Variants in APAF1 observed in about 807,000 individuals in gnomAD.
APAF1 encodes the protein apoptotic peptidase activating factor 1.
In APAF1, 91 loss-of-function variants were observed where a neutral mutation model predicts 152.4. The observed-to-expected ratio is 0.60, with a 90% CI of 0.50 to 0.71. The LOEUF is 0.71. Ranked by LOEUF, APAF1 falls within the 30% of genes least tolerant of loss-of-function variation. The pLI is 0.00. For missense variants in APAF1, 1,283 were observed against 1,472.0 expected (o/e 0.87, Z 2.10); for synonymous variants, 484 against 494.1 (o/e 0.98, Z 0.27).
intron 1 of APAF1, 137 bp from the exon 2 acceptor site, chr12:98,648,182 G>C: frequency 1.4e-6 from 1 of 729,848 alleles, no homozygotes; most frequent in African/African-American, 1.8e-5. Context: ...CCAAGCACTG[G>C]GTTTTGTCCA....
chr12:98,654,555 G>A (rs2097653922), intron 4 of APAF1, among the ~76,000 whole-genome samples: 1 of 152,002 alleles, frequency 6.6e-6, no homozygotes, highest in Admixed American at 6.5e-5. Flanking sequence ...CTACAGGTGT[G>A]TGCCACCACA....
In APAF1 at chr12:98,732,432, G is replaced by T. The variant is rs758478742; in HGVS notation, c.3613G>T (p.Val1205Phe). 1 of 1,613,444 alleles carries T rather than the reference G, an allele frequency of 6.2e-7. No individual in the cohort carries two copies. The highest frequency in any genetic ancestry group is 2.2e-5 in the East Asian group (1 of 44,896). ...TTTCTCTGAACAGTGGTGGAACGTTGTCACTGGGGAATCCTCACAGACCTT... is the reference window on the plus strand; with the variant it reads ...TTTCTCTGAACAGTGGTGGAACGTTTTCACTGGGGAATCCTCACAGACCTT... ...AGGYIKWWNV[V>F]TGESSQTFYT... Residue 1205 changes from valine to phenylalanine, a missense_variant, in exon 27 of 27, where the codon GTC (valine) becomes TTC (phenylalanine). By Grantham distance (50) the Val-to-Phe change is conservative. Coordinates refer to ENST00000551964, the MANE Select transcript of APAF1 (RefSeq NM_181861.2).
chr12:98,665,668 G>A lies in APAF1; in HGVS notation c.1071G>A (p.Ser357=), dbSNP rs757046622. 18 of 1,613,658 alleles carry A rather than the reference G, an allele frequency of 1.1e-5. No individual in the cohort carries two copies. Among genetic ancestry groups the A allele is most frequent in the Non-Finnish European group, 1.4e-5 (16 of 1,179,870 alleles). ...AGTTTAAGAGAATAAGGAAATCTTC[G>A]TCTTATGATTATGAGGCTCTAGATG... ...NKQFKRIRKS[S]SYDYEALDEA... The change falls in exon 8 of 27, where the codon TCG becomes TCA. Residue 357 remains serine, a synonymous_variant. Coordinates refer to ENST00000551964, the MANE Select transcript of APAF1 (RefSeq NM_181861.2).
At chr12:98,657,146 T>C (rs755461165) in intron 4 of APAF1, among the ~76,000 whole-genome samples, 6 of 152,354 alleles carry the variant, frequency 3.9e-5, no homozygotes, top group Non-Finnish European at 7.3e-5. Flanking sequence ...GAAATCTTGA[T>C]GTTGAGCATT....
intron 17 of APAF1, among the ~76,000 whole-genome samples, chr12:98,701,773 G>A (rs1350975757): frequency 6.6e-6 from 1 of 152,144 alleles, no homozygotes; most frequent in South Asian, 2.1e-4. Flanking sequence ...TGTAGATCCC[G>A]ATTTCTTACC....
chr12:98,692,893 T>A (rs2097705826), intron 16 of APAF1, among the ~76,000 whole-genome samples: 1 of 152,214 alleles, frequency 6.6e-6, no homozygotes, highest in African/African-American at 2.4e-5. Context: ...TGTTTTCCTT[T>A]GGGTGTATAC....
intron 12 of APAF1, among the ~76,000 whole-genome samples, chr12:98,674,804 A>T (rs1593051275): frequency 6.6e-6 from 1 of 152,230 alleles, no homozygotes; most frequent in South Asian, 2.1e-4. Flanking sequence ...ATAGACATAC[A>T]TATAGTACTT....
Position 98,732,830 on chromosome 12 carries a change from G to T in APAF1, c.*264G>T. ...ATGTGAATACATACCTTGTTGTACT[G>T]TTGGTAAAATTCTGTCTTGATGCAT... On this transcript the variant is annotated 3_prime_UTR_variant, in exon 27 of 27. Coordinates refer to ENST00000551964, the MANE Select transcript of APAF1 (RefSeq NM_181861.2). 2.5e-6 allele frequency: 1 copy of T among 403,340 alleles called. No homozygotes were observed. The highest frequency in any genetic ancestry group is 4.5e-6 in the Non-Finnish European group (1 of 221,516). The allele number at this position is 403,340 out of a possible 1,614,324, so 25.0% of individuals were successfully genotyped here.
At chr12:98,681,131 G>A (rs1460960321) in intron 14 of APAF1, among the ~76,000 whole-genome samples, 2 of 152,018 alleles carry the variant, frequency 1.3e-5, no homozygotes, top group Admixed American at 6.6e-5. Flanking sequence ...GTACAATCTC[G>A]GCTCACTGCA....
At position 98,683,264 on chromosome 12, in the gene APAF1, G is replaced by T; in HGVS notation, c.2168G>T (p.Cys723Phe). ...HLLLATGSSDCFLKLWDLNQK... is the reference protein window; with the variant it reads ...HLLLATGSSDFFLKLWDLNQK... ...CTCTTAGCCACTGGGTCAAGTGACT[G>T]CTTCCTCAAAGTAAGTGTGGATATT... The change falls in exon 15 of 27, where the codon TGC becomes TTC. Residue 723 changes from cysteine to phenylalanine, a missense_variant. Coordinates refer to ENST00000551964, the MANE Select transcript of APAF1 (RefSeq NM_181861.2). The T allele has an allele frequency of 2.5e-6, 4 of 1,613,834 alleles. No individual in the cohort carries two copies. The highest frequency in any genetic ancestry group is 3.4e-6 in the Non-Finnish European group (4 of 1,179,930).
At chr12:98,715,373 T>A (rs1295451276) in intron 21 of APAF1, 54 bp from the exon 22 acceptor site, 1 of 1,575,586 alleles carries the variant, frequency 6.3e-7, no homozygotes, top group Non-Finnish European at 8.7e-7. Flanking sequence ...TGGGGTGTAA[T>A]GCCTATGTAT....
intron 12 of APAF1, among the ~76,000 whole-genome samples, chr12:98,674,641 C>G (rs1405329792): frequency 1.3e-5 from 2 of 152,150 alleles, no homozygotes; most frequent in Non-Finnish European, 2.9e-5. Context: ...AAATAACATA[C>G]CCTGGCTCTA....
At position 98,732,805 on chromosome 12, in the gene APAF1, ATG is replaced by A; in HGVS notation, c.*242_*243del. 1 of 471,460 alleles carries A rather than the reference ATG, an allele frequency of 2.1e-6. No individual in the cohort carries two copies. Among genetic ancestry groups the A allele is most frequent in the Non-Finnish European group, 3.8e-6 (1 of 262,180 alleles). The allele number at this position is 471,460 out of a possible 1,614,324, so 29.2% of individuals were successfully genotyped here. A position where few individuals can be genotyped will look rare whatever the true frequency, so the allele number is the denominator to read the frequency against. ...GTTTGTCCTTAGGATGCAAATGAAA[ATG>A]TGAATACATACCTTGTTGTACTGTT... On this transcript the variant is annotated 3_prime_UTR_variant, in exon 27 of 27. Coordinates refer to ENST00000551964, the MANE Select transcript of APAF1 (RefSeq NM_181861.2).
At chr12:98,685,679 A>G (rs554064516) in intron 15 of APAF1, among the ~76,000 whole-genome samples, 279 of 152,002 alleles carry the variant, frequency 1.8e-3, no homozygotes, top group African/African-American at 6.0e-3. Context: ...TCTATCACCC[A>G]GGCTGGAGTG....
At chr12:98,660,229 C>G (rs1249782047) in intron 5 of APAF1, among the ~76,000 whole-genome samples, 2 of 151,962 alleles carry the variant, frequency 1.3e-5, no homozygotes, top group African/African-American at 4.8e-5. Flanking sequence ...ACCTGTGGTC[C>G]CAGCTACTCA....
In APAF1 at chr12:98,656,074, C is replaced by T. The variant is rs140890103; in HGVS notation, c.527-3086C>T. Among the ~76,000 whole-genome samples, 1,216 of 152,176 alleles carry T rather than the reference C, an allele frequency of 8.0e-3. 5 individuals carry two copies. Among genetic ancestry groups the T allele is most frequent in the Middle Eastern group, 0.02 (6 of 294 alleles). ...CTGGGATTACAGGCATGAGCCACCG[C>T]GCCCGGCCTTGCCTGGCTAATTTTT... On this transcript the variant is annotated intron_variant, in intron 4 of 26. Coordinates refer to ENST00000551964, the MANE Select transcript of APAF1 (RefSeq NM_181861.2).
Position 98,686,765 on chromosome 12 carries a change from A to G in APAF1, c.2196A>G (p.Gln732=), listed in dbSNP as rs1202767132. The change falls in exon 16 of 27, where the codon CAA becomes CAG. Residue 732 remains glutamine, a synonymous_variant. Coordinates refer to ENST00000551964, the MANE Select transcript of APAF1 (RefSeq NM_181861.2). ...ACAAATAGCTTTGGGATTTGAATCA[A>G]AAAGAATGTCGAAATACCATGTTTG... is the stretch of plus-strand genomic sequence containing the variant. ...DCFLKLWDLN[Q]KECRNTMFGH... is the part of the protein sequence containing the mutation. The G allele has an allele frequency of 6.2e-7, 1 of 1,613,680 alleles. No individual in the cohort carries two copies. The highest frequency in any genetic ancestry group is 8.5e-7 in the Non-Finnish European group (1 of 1,179,842).
intron 13 of APAF1, 58 bp downstream of exon 13, chr12:98,677,609 C>T (rs2097687991): frequency 1.2e-6 from 2 of 1,608,022 alleles, no homozygotes; most frequent in Admixed American, 3.3e-5. Flanking sequence ...TTGTGCAGAT[C>T]AGAATATGTT....
intron 4 of APAF1, among the ~76,000 whole-genome samples, chr12:98,652,767 C>T (rs1052315874): frequency 1.3e-5 from 2 of 152,074 alleles, no homozygotes; most frequent in African/African-American, 4.8e-5. Context: ...GCTGGGATTA[C>T]AGGCACCCAC....
Sources: allele counts gnomAD v4.1 joint callset (sites outside exome capture counted in the v4.1 genomes callset), GRCh38; gene constraint gnomAD v4.1.1; transcripts MANE v1.5; gene names NCBI Gene and HGNC (gene_info 2026-07-23, HGNC 2026-07-21).